Variants in NMNAT2 observed in about 807,000 individuals in gnomAD.
NMNAT2 encodes the protein nicotinamide nucleotide adenylyltransferase 2.
In NMNAT2, 11 loss-of-function variants were observed where a neutral mutation model predicts 41.6. The ratio of observed to expected loss-of-function variants is 0.26; its 90% CI spans 0.17 to 0.44. The LOEUF is 0.44. Among genes scored for constraint, NMNAT2 ranks in the 20% least tolerant of loss-of-function variants. The probability of loss-of-function intolerance (pLI) is 1.00; values close to 1 mark genes in which losing one functional copy is unlikely to be tolerated. For synonymous variants in NMNAT2, 148 were observed against 151.2 expected (o/e 0.98, Z 0.16); for missense variants, 288 against 407.7 (o/e 0.71, Z 2.53).
chr1:183,321,506 C>A (rs538478061), intron 1 of NMNAT2, among the ~76,000 whole-genome samples: 1 of 152,034 alleles, frequency 6.6e-6, no homozygotes. Context: ...TTTGGGAGGC[C>A]GAGGCAGGTG....
chr1:183,341,416 G>A (rs1434235423), intron 1 of NMNAT2, among the ~76,000 whole-genome samples: 2 of 150,670 alleles, frequency 1.3e-5, no homozygotes, highest in South Asian at 2.1e-4. Flanking sequence ...GGTGACTCAC[G>A]TCTGTAATCC....
intron 6 of NMNAT2, 82 bp from the exon 7 acceptor site, chr1:183,284,121 A>C: frequency 1.2e-6 from 1 of 826,234 alleles, no homozygotes; most frequent in Non-Finnish European, 1.9e-6. Context: ...GGGCCTCAGC[A>C]GGAATTATTG....
chr1:183,345,688 CTTT>C (rs5779171), intron 1 of NMNAT2, among the ~76,000 whole-genome samples: 27 of 121,956 alleles, frequency 2.2e-4, no homozygotes, highest in Admixed American at 3.3e-4. Flanking sequence ...ATATCCTTTT[CTTT>C]TTTTTTTTTT....
chr1:183,251,832 A>G lies in NMNAT2; in HGVS notation c.*809T>C. The G allele has an allele frequency of 6.3e-6, 1 of 158,632 alleles. No homozygotes were observed. The allele number at this position is 158,632 out of a possible 1,614,324, so 9.8% of individuals were successfully genotyped here. The stretch of plus-strand genomic sequence containing the variant: ...CTCGTGTCCCAGGTTTCAGAACCCG[A>G]AAATCTCACTCCTGATCAAAGGTTG... On this transcript the variant is annotated 3_prime_UTR_variant, in exon 11 of 11. Transcript: ENST00000287713.
chr1:183,311,810 C>A (rs1164324048), intron 1 of NMNAT2, among the ~76,000 whole-genome samples: 1 of 151,454 alleles, frequency 6.6e-6, no homozygotes, highest in African/African-American at 2.4e-5. Flanking sequence ...CATGGCTTGG[C>A]TGTGTCCCCA....
intron 1 of NMNAT2, among the ~76,000 whole-genome samples, chr1:183,314,761 C>T (rs1297056859): frequency 6.6e-6 from 1 of 152,204 alleles, no homozygotes; most frequent in Non-Finnish European, 1.5e-5. Context: ...TACGTATAAT[C>T]TCAGCTACTC....
intron 1 of NMNAT2, among the ~76,000 whole-genome samples, chr1:183,391,014 A>C (rs1026849354): frequency 2.6e-5 from 4 of 152,194 alleles, no homozygotes; most frequent in African/African-American, 9.6e-5. Context: ...AAACCTGACC[A>C]AGAAGTTTTG....
intron 8 of NMNAT2, among the ~76,000 whole-genome samples, chr1:183,265,158 C>T (rs184617095): frequency 6.1e-5 from 2 of 32,822 alleles, no homozygotes; most frequent in East Asian, 7.5e-4. Flanking sequence ...AGCTCCTGGA[C>T]CTGCTAACAT....
chr1:183,270,024 C>A (rs570118318), intron 8 of NMNAT2, among the ~76,000 whole-genome samples: 1 of 152,286 alleles, frequency 6.6e-6, no homozygotes, highest in East Asian at 1.9e-4. Context: ...GCTGGGACTA[C>A]AGGCACCCGC....
chr1:183,299,362 C>A (rs183809661), intron 1 of NMNAT2, among the ~76,000 whole-genome samples: 60 of 150,770 alleles, frequency 4.0e-4, no homozygotes, highest in African/African-American at 1.4e-3. Flanking sequence ...GGTGACACAG[C>A]GAGACTCTGT....
intron 1 of NMNAT2, among the ~76,000 whole-genome samples, chr1:183,414,373 C>T (rs1167081127): frequency 6.6e-6 from 1 of 152,178 alleles, no homozygotes; most frequent in African/African-American, 2.4e-5. Flanking sequence ...CTGAGCTGTC[C>T]TTTCTTACTT....
At chr1:183,352,651 G>C (rs888968642) in intron 1 of NMNAT2, among the ~76,000 whole-genome samples, 1 of 151,784 alleles carries the variant, frequency 6.6e-6, no homozygotes, top group African/African-American at 2.4e-5. Context: ...ATGCAAATAT[G>C]GACATTTGTG....
At chr1:183,403,363 G>A (rs929163491) in intron 1 of NMNAT2, among the ~76,000 whole-genome samples, 3 of 152,018 alleles carry the variant, frequency 2.0e-5, no homozygotes, top group African/African-American at 4.8e-5. Flanking sequence ...AAGTCAATTT[G>A]CATGTAAAAG....
intron 1 of NMNAT2, among the ~76,000 whole-genome samples, chr1:183,388,911 C>A (rs1244673751): frequency 6.6e-6 from 1 of 152,168 alleles, no homozygotes; most frequent in Non-Finnish European, 1.5e-5. Context: ...TTGTGGGCAG[C>A]CTTTGTTCTT....
At chr1:183,298,462 G>A (rs1392863658) in intron 1 of NMNAT2, among the ~76,000 whole-genome samples, 1 of 152,106 alleles carries the variant, frequency 6.6e-6, no homozygotes, top group Non-Finnish European at 1.5e-5. Flanking sequence ...GAAATACTTA[G>A]GTATAAATAT....
At chr1:183,286,275 A>G (rs1333001401) in intron 5 of NMNAT2, among the ~76,000 whole-genome samples, 3 of 151,792 alleles carry the variant, frequency 2.0e-5, no homozygotes, top group Non-Finnish European at 4.4e-5. Flanking sequence ...ATTATTTGGT[A>G]CAGGTGGGGT....
chr1:183,383,404 C>G (rs896926987), intron 1 of NMNAT2, among the ~76,000 whole-genome samples: 1 of 152,248 alleles, frequency 6.6e-6, no homozygotes, highest in Non-Finnish European at 1.5e-5. Flanking sequence ...CTCCTCATTA[C>G]TTGTGCAAAT....
intron 8 of NMNAT2, among the ~76,000 whole-genome samples, chr1:183,265,482 G>T (rs1330128927): frequency 6.6e-6 from 1 of 151,858 alleles, no homozygotes; most frequent in Non-Finnish European, 1.5e-5. Flanking sequence ...GGTTAGGCTG[G>T]TCTCAAACTC....
chr1:183,406,420 G>A (rs938092880), intron 1 of NMNAT2, among the ~76,000 whole-genome samples: 1 of 152,112 alleles, frequency 6.6e-6, no homozygotes, highest in Non-Finnish European at 1.5e-5. Context: ...CCAACACATG[G>A]GAGTCTCAGG....
Sources: gnomAD v4.1 joint callset for allele counts (sites outside exome capture counted in the v4.1 genomes callset) on GRCh38, gnomAD v4.1.1 for gene constraint, MANE v1.5 for transcripts, NCBI Gene and HGNC (gene_info 2026-07-23, HGNC 2026-07-21) for gene names.